The following CNTN5 variants were observed in gnomAD, a reference collection of about 807,000 sequenced individuals.
The protein encoded by CNTN5 is contactin-5.
A neutral mutation model predicts 129.1 loss-of-function variants in CNTN5; 77 were observed. The observed-to-expected ratio is 0.60, with a 90% confidence interval of 0.50 to 0.72. The LOEUF (loss-of-function observed/expected upper bound fraction) is 0.72, where lower values mean the gene tolerates loss of function less well. CNTN5 is among the 30% of genes least tolerant of loss of function. The pLI is 0.00. For synonymous variants in CNTN5, 509 were observed against 465.6 expected (o/e 1.09, Z -1.20); for missense variants, 1,478 against 1,328.8 (o/e 1.11, Z -1.75).
intron 3 of CNTN5, among the ~76,000 whole-genome samples, chr11:99,767,869 T>C (rs963701040): frequency 2.6e-5 from 4 of 152,024 alleles, no homozygotes; most frequent in African/African-American, 9.7e-5. Flanking sequence ...TCATTTCTCC[T>C]ATGTTTTTTA....
intron 16 of CNTN5, among the ~76,000 whole-genome samples, chr11:100,248,148 TG>T (rs1237181143): frequency 2.0e-5 from 3 of 152,192 alleles, no homozygotes; most frequent in African/African-American, 7.2e-5. Flanking sequence ...CGAGCATATT[TG>T]GGATCAAAAT....
intron 1 of CNTN5, among the ~76,000 whole-genome samples, chr11:99,169,283 A>G (rs5008546): frequency 0.24 from 36,616 of 151,990 alleles, 4,554 homozygotes; most frequent in Middle Eastern, 0.27. Flanking sequence ...AGTTGTAAAT[A>G]ATCTAGAGGT....
intron 2 of CNTN5, among the ~76,000 whole-genome samples, chr11:99,382,257 G>A (rs1940612381): frequency 6.6e-6 from 1 of 152,112 alleles, no homozygotes; most frequent in Middle Eastern, 3.2e-3. Context: ...TACAAACACT[G>A]AGAGGACTGA....
chr11:100,351,532 G>GT (rs1952411695), intron 24 of CNTN5, among the ~76,000 whole-genome samples: 1 of 150,732 alleles, frequency 6.6e-6, no homozygotes, highest in Non-Finnish European at 1.5e-5. Context: ...CAAAACCTGC[G>GT]TATGATTGTC....
At chr11:100,115,136 A>AAG (rs1555012583) in intron 13 of CNTN5, among the ~76,000 whole-genome samples, 8 of 150,058 alleles carry the variant, frequency 5.3e-5, no homozygotes, top group South Asian at 2.1e-4. Context: ...AAAAAAAAAA[A>AAG]AAAGAAAGAA....
intron 1 of CNTN5, among the ~76,000 whole-genome samples, chr11:99,089,293 T>C (rs887308946): frequency 1.3e-5 from 2 of 152,136 alleles, no homozygotes; most frequent in Non-Finnish European, 2.9e-5. Flanking sequence ...CACTGTAAAA[T>C]CTTGTAAATA....
At chr11:100,235,179 C>T (rs537828418) in intron 16 of CNTN5, among the ~76,000 whole-genome samples, 1 of 152,292 alleles carries the variant, frequency 6.6e-6, no homozygotes, top group East Asian at 1.9e-4. Flanking sequence ...GAAAAATCAT[C>T]CCATTTATTT....
intron 2 of CNTN5, among the ~76,000 whole-genome samples, chr11:99,455,776 GA>G (rs1302249708): frequency 6.6e-6 from 1 of 151,894 alleles, no homozygotes; most frequent in Non-Finnish European, 1.5e-5. Context: ...GAAGAAAAGG[GA>G]AAAAAAGCAT....
chr11:100,098,612 A>G (rs1041333754), intron 13 of CNTN5, among the ~76,000 whole-genome samples: 1 of 152,080 alleles, frequency 6.6e-6, no homozygotes, highest in Non-Finnish European at 1.5e-5. Flanking sequence ...TTGAATGTAT[A>G]AATTATCTTT....
At chr11:99,068,353 C>T (rs1200446295) in intron 1 of CNTN5, among the ~76,000 whole-genome samples, 1 of 152,038 alleles carries the variant, frequency 6.6e-6, no homozygotes, top group East Asian at 1.9e-4. Flanking sequence ...TTAATTCCTC[C>T]CTGTGAGAAG....
Position 100,070,425 on chromosome 11 carries a change from C to T in CNTN5, c.1164C>T (p.Thr388=). 6.2e-6 allele frequency: 10 copies of T among 1,611,440 alleles called. No homozygotes were observed. The highest frequency in any genetic ancestry group is 8.5e-6 in the Non-Finnish European group (10 of 1,178,638). The change falls in exon 11 of 25, where the codon ACC becomes ACT. Residue 388 remains threonine, a splice_region_variant and synonymous_variant. Coordinates refer to ENST00000524871, the MANE Select transcript of CNTN5 (RefSeq NM_014361.4). ...NSFRGQLQVY[T]YPHWVEKLND... is the part of the protein sequence containing the mutation. ...TGTTTACTGCTTACATACTTACAGC[C>T]TACCCACACTGGGTAGAAAAACTGA... is the stretch of plus-strand genomic sequence containing the variant.
intron 4 of CNTN5, chr11:99,844,553 C>T (rs1468143023): frequency 3.2e-5 from 12 of 376,940 alleles, no homozygotes; most frequent in Admixed American, 8.5e-5. Context: ...ATATTATTAT[C>T]CTTCAGTCTG....
chr11:100,237,653 A>G (rs1041102776), intron 16 of CNTN5, among the ~76,000 whole-genome samples: 16 of 152,230 alleles, frequency 1.1e-4, no homozygotes, highest in African/African-American at 7.2e-5. Context: ...AGTAGGGGAA[A>G]AAAACTGAAC....
intron 13 of CNTN5, among the ~76,000 whole-genome samples, chr11:100,095,607 C>T (rs1432856392): frequency 1.3e-5 from 2 of 152,000 alleles, no homozygotes; most frequent in African/African-American, 2.4e-5. Context: ...GTAAAAGGCT[C>T]TATTTGAATA....
At chr11:99,355,824 T>G (rs1053541865) in intron 2 of CNTN5, among the ~76,000 whole-genome samples, 9 of 149,916 alleles carry the variant, frequency 6.0e-5, no homozygotes, top group East Asian at 5.8e-4. Context: ...TTTTTTTGTT[T>G]TTTTTTTTTT....
At chr11:99,866,844 C>T (rs930892588) in intron 6 of CNTN5, among the ~76,000 whole-genome samples, 4 of 152,204 alleles carry the variant, frequency 2.6e-5, no homozygotes, top group African/African-American at 9.6e-5. Context: ...CACTGAGAGG[C>T]ACATTATAGT....
intron 2 of CNTN5, among the ~76,000 whole-genome samples, chr11:99,480,833 C>T (rs2135311554): frequency 6.6e-6 from 1 of 152,234 alleles, no homozygotes; most frequent in South Asian, 2.1e-4. Context: ...GATCAACAGT[C>T]CTCATTCAAC....
chr11:99,301,946 T>G (rs529220764), intron 1 of CNTN5, among the ~76,000 whole-genome samples: 1 of 151,516 alleles, frequency 6.6e-6, no homozygotes, highest in South Asian at 2.1e-4. Context: ...AATTGAATAT[T>G]TGAAAATAAA....
chr11:100,071,885 C>G (rs1347749782), intron 12 of CNTN5, 51 bp downstream of exon 12: 2 of 1,476,238 alleles, frequency 1.4e-6, no homozygotes, highest in Non-Finnish European at 1.8e-6. Flanking sequence ...TGCTTCTTTT[C>G]ATGCTCTAAT....
Sources: gnomAD v4.1 joint callset for allele counts (sites outside exome capture counted in the v4.1 genomes callset) on GRCh38, gnomAD v4.1.1 for gene constraint, MANE v1.5 for transcripts, NCBI Gene and HGNC (gene_info 2026-07-23, HGNC 2026-07-21) for gene names.